LIMK1: variants seen among roughly 807,000 people sequenced by gnomAD.
LIMK1 encodes LIM motif-containing protein kinase.
Under a neutral mutation model 77.6 loss-of-function variants are expected in LIMK1, and 21 were observed. The observed-to-expected ratio is 0.27, with a 90% confidence interval of 0.19 to 0.39. LIMK1 has a LOEUF of 0.39. LIMK1 is among the 10% of genes least tolerant of loss of function. The pLI, the probability that LIMK1 is intolerant of heterozygous loss-of-function variation, is 1.00. For missense variants in LIMK1, 696 were observed against 901.6 expected (o/e 0.77, Z 2.92); for synonymous variants, 358 against 370.0 (o/e 0.97, Z 0.37).
chr7:74,119,934 T>C (rs1203440037), intron 13 of LIMK1, among the ~76,000 whole-genome samples: 3 of 152,126 alleles, frequency 2.0e-5, no homozygotes, highest in Non-Finnish European at 4.4e-5. Flanking sequence ...CAGAAATTTA[T>C]TCCCTCTTAG....
At position 74,106,759 on chromosome 7, in the gene LIMK1, CA is replaced by C. The variant is rs1183112855; in HGVS notation, c.882-242del. 5.3e-5 allele frequency among the ~76,000 whole-genome samples: 8 copies of C among 150,396 alleles called. No individual in the cohort carries two copies. In the East Asian group the frequency reaches 7.8e-4, roughly 15 times the overall value. On this transcript the variant is annotated intron_variant, in intron 7 of 15. Transcript: ENST00000336180. ...TGGGCAACAGTGTGAGACTCTGTCT[CA>C]AAAAAAAAGAGGATGACAGAGCAGG...
intron 7 of LIMK1, among the ~76,000 whole-genome samples, chr7:74,106,741 C>G (rs1166459129): frequency 6.6e-6 from 1 of 152,060 alleles, no homozygotes; most frequent in Admixed American, 6.6e-5. Flanking sequence ...GCCTGGGCAA[C>G]AGTGTGAGAC....
intron 13 of LIMK1, among the ~76,000 whole-genome samples, chr7:74,118,781 G>A (rs1799872830): frequency 6.6e-6 from 1 of 152,052 alleles, no homozygotes; most frequent in African/African-American, 2.4e-5. Context: ...TGTTTCCTAT[G>A]TTTAGGGATT....
chr7:74,086,374 T>C (rs1799138257), intron 2 of LIMK1, among the ~76,000 whole-genome samples: 1 of 151,784 alleles, frequency 6.6e-6, no homozygotes, highest in Non-Finnish European at 1.5e-5. Flanking sequence ...GTATTTTTCT[T>C]TTTTCGAAAT....
At chr7:74,112,123 G>A (rs1554698757) in intron 12 of LIMK1, 125 bp downstream of exon 12, 1 of 758,420 alleles carries the variant, frequency 1.3e-6, no homozygotes. Flanking sequence ...AATTTGAGGT[G>A]GGGGTGGGGG....
chr7:74,112,567 C>T (rs368551506), intron 12 of LIMK1, among the ~76,000 whole-genome samples: 41 of 152,254 alleles, frequency 2.7e-4, no homozygotes, highest in African/African-American at 9.9e-4. Context: ...ACAATCCCAA[C>T]ACTTTGGGAG....
intron 10 of LIMK1, 104 bp downstream of exon 10, chr7:74,109,140 G>C (rs1554698221): frequency 2.3e-6 from 2 of 887,062 alleles, no homozygotes; most frequent in South Asian, 2.8e-5. Context: ...AAGCCACAGG[G>C]GTCTCAAAGG....
intron 14 of LIMK1, 110 bp downstream of exon 14, chr7:74,120,748 G>A (rs1251755376): frequency 6.5e-7 from 1 of 1,529,948 alleles, no homozygotes; most frequent in Non-Finnish European, 9.0e-7. Flanking sequence ...CCTGCCCACA[G>A]CAAGGCATGG....
rs1554695632 is a variant in LIMK1 at position 74,096,624 on chromosome 7, G to A, written c.155G>A (p.Cys52Tyr). The A allele has an allele frequency of 6.2e-7, 1 of 1,614,024 alleles. No individual in the cohort carries two copies. The change falls in exon 3 of 16, where the codon TGT becomes TAT. Residue 52 changes from cysteine (C) to tyrosine (Y), a missense_variant and splice_region_variant. Around this residue, in one of 3 missense-constraint regions of LIMK1, gnomAD observed 252 missense variants for 279.4 expected, o/e 0.90. Transcript: ENST00000336180. ...TCAGCCCGGCCCCTCTCCTGCAGGT[G>A]TTGTGACTGCAGTGCCTCCCTGTCG... The part of the protein sequence containing the change: ...NADWHADCFR[C>Y]CDCSASLSHQ...
Position 74,106,487 on chromosome 7 carries a change from G to A in LIMK1, c.881+244G>A, listed in dbSNP as rs533635372. Among the ~76,000 whole-genome samples, 17 of 152,314 alleles carry A rather than the reference G, an allele frequency of 1.1e-4. No homozygotes were observed. The East Asian group carries it at 1.4e-3, about 12-fold the overall frequency. ...TAAAAAGCCGGGGACGGGGCCAGGC[G>A]TGGTGGCTCATGCCTGTAATCCCAG... On this transcript the variant is annotated intron_variant, in intron 7 of 15. Coordinates refer to ENST00000336180, the MANE Select transcript of LIMK1 (RefSeq NM_002314.4).
chr7:74,093,104 C>T, intron 2 of LIMK1: 3 of 1,403,512 alleles, frequency 2.1e-6, no homozygotes, highest in African/African-American at 2.9e-5. Context: ...CACGCGGCTG[C>T]AGCCTCCTCC....
At chr7:74,102,867 C>CTTTTTT (rs200075270) in intron 5 of LIMK1, among the ~76,000 whole-genome samples, 1 of 135,408 alleles carries the variant, frequency 7.4e-6, no homozygotes, top group Non-Finnish European at 1.6e-5. Flanking sequence ...TCATCAGTAT[C>CTTTTTT]TTTTTTTTTT....
intron 10 of LIMK1, 132 bp downstream of exon 10, chr7:74,109,168 C>A: frequency 1.4e-6 from 1 of 733,456 alleles, no homozygotes; most frequent in Non-Finnish European, 2.4e-6. Context: ...AACCCTGATT[C>A]CTAATCAAAA....
Position 74,111,695 on chromosome 7 carries a change from C to A in LIMK1, c.1332C>A (p.Ile444=). The A allele has an allele frequency of 3.1e-6, 5 of 1,613,112 alleles. No homozygotes were observed. The highest frequency in any genetic ancestry group is 4.2e-6 in the Non-Finnish European group (5 of 1,179,526). The stretch of plus-strand genomic sequence containing the variant: ...AGAGAGTGAGCTTTGCCAAGGACAT[C>A]GCATCAGGGATGGTGAGTGAGCCGG... The part of the protein sequence containing the change: ...WSQRVSFAKD[I]ASGMAYLHSM... Residue 444 remains isoleucine, a synonymous_variant, in exon 11 of 16, where the codon ATC becomes ATA. Coordinates refer to ENST00000336180, the MANE Select transcript of LIMK1 (RefSeq NM_002314.4).
chr7:74,107,061 G>A lies in LIMK1; in HGVS notation c.933G>A (p.Pro311=), dbSNP rs1554697721. The part of the protein sequence containing the change: ...RSPGAGSLGS[P]ASQRKDLGRS... Reference sequence around the variant, plus strand: ...CGGGCGCTGGCTCACTGGGCTCCCCGGCCTCCCAGCGCAAGGACCTGGGTC... The same window carrying A: ...CGGGCGCTGGCTCACTGGGCTCCCCAGCCTCCCAGCGCAAGGACCTGGGTC... Residue 311 remains proline, a synonymous_variant, in exon 8 of 16, where the codon CCG becomes CCA. Transcript: ENST00000336180. 22 of 1,605,912 alleles carry A rather than the reference G, an allele frequency of 1.4e-5. No individual in the cohort carries two copies. Among genetic ancestry groups the A allele is most frequent in the Non-Finnish European group, 1.9e-5 (22 of 1,177,384 alleles).
At chr7:74,103,393 G>A (rs1160330405) in intron 5 of LIMK1, among the ~76,000 whole-genome samples, 3 of 151,838 alleles carry the variant, frequency 2.0e-5, no homozygotes, top group African/African-American at 4.8e-5. Context: ...ACCTGCCCTC[G>A]CATTTGGGTT....
At chr7:74,105,083 A>G (rs534748410) in intron 5 of LIMK1, among the ~76,000 whole-genome samples, 10 of 152,294 alleles carry the variant, frequency 6.6e-5, no homozygotes, top group Admixed American at 3.3e-4. Flanking sequence ...CCTCCCAAGT[A>G]GCTAGGACTA....
chr7:74,090,057 T>C (rs1584106546), intron 2 of LIMK1, among the ~76,000 whole-genome samples: 8 of 152,164 alleles, frequency 5.3e-5, no homozygotes, highest in Admixed American at 5.2e-4. Flanking sequence ...GGAGGCATGT[T>C]TGTGCTGTCC....
chr7:74,111,946 C>T lies in LIMK1; in HGVS notation c.1358C>T (p.Ser453Phe). 1.2e-6 allele frequency: 2 copies of T among 1,607,476 alleles called. No individual in the cohort carries two copies. Among genetic ancestry groups the T allele is most frequent in the Non-Finnish European group, 1.7e-6 (2 of 1,177,444 alleles). The stretch of plus-strand genomic sequence containing the variant: ...CCCCGTCCCTAGGCCTACCTCCACT[C>T]CATGAACATCATCCACCGAGACCTC... Reference protein sequence around the residue: ...DIASGMAYLHSMNIIHRDLNS... With the variant: ...DIASGMAYLHFMNIIHRDLNS... The change falls in exon 12 of 16, where the codon TCC (serine) becomes TTC (phenylalanine). Residue 453 changes from serine (S) to phenylalanine (F), a missense_variant. By Grantham distance (155) the Ser-to-Phe change is radical. Around this residue, in one of 3 missense-constraint regions of LIMK1, gnomAD observed 438 missense variants for 602.3 expected, o/e 0.73. Transcript: ENST00000336180.
Sources: gnomAD v4.1 joint callset for allele counts (sites outside exome capture counted in the v4.1 genomes callset) on GRCh38, gnomAD v4.1.1 for gene constraint, gnomAD v4.1.1 regional missense constraint, MANE v1.5 for transcripts, NCBI Gene and HGNC (gene_info 2026-07-23, HGNC 2026-07-21) for gene names.